Variants in NFILZ observed in about 807,000 individuals in gnomAD.
NFILZ encodes the protein NFIL3 like basic leucine zipper, also known as NFIL3 like protein.
At chr19:8,639,364 C>T (rs2042909079) in intron 3 of NFILZ, among the ~76,000 whole-genome samples, 1 of 151,962 alleles carries the variant, frequency 6.6e-6, no homozygotes, top group Non-Finnish European at 1.5e-5. Context: ...ATCATTTGAG[C>T]CTGGAAGTTT....
intron 3 of NFILZ, among the ~76,000 whole-genome samples, chr19:8,656,289 C>CCTTCTCTCTGAAGCCCACCTTCTCCCTGA (rs1212956882): frequency 3.0e-5 from 1 of 32,958 alleles, no homozygotes. Context: ...CTTCTCCCCA[C>CCTTCTCTCTGAAGCCCACCTTCTCCCTGA]AGCCCACCTC....
At chr19:8,664,965 G>A (rs2043055115) in intron 3 of NFILZ, among the ~76,000 whole-genome samples, 1 of 152,036 alleles carries the variant, frequency 6.6e-6, no homozygotes, top group Admixed American at 6.6e-5. Context: ...AATCCTTTCA[G>A]ATGCTGGTTC....
intron 2 of NFILZ, among the ~76,000 whole-genome samples, chr19:8,634,962 G>A (rs781786895): frequency 2.6e-5 from 4 of 151,976 alleles, no homozygotes; most frequent in African/African-American, 9.7e-5. Flanking sequence ...ATTAGTATAC[G>A]ATTCTGTGAT....
Position 8,651,409 on chromosome 19 carries a change from G to A in NFILZ, c.-164+15663G>A, listed in dbSNP as rs973432600. Reference sequence around the variant, plus strand: ...ACTCCTGACCTCAAGTGATCCACTCGCTTCAGCCTCCCAAAGTGCTGGGAT... The same window carrying A: ...ACTCCTGACCTCAAGTGATCCACTCACTTCAGCCTCCCAAAGTGCTGGGAT... On this transcript the variant is annotated intron_variant, in intron 3 of 5. Transcript: ENST00000691075. 3.3e-5 allele frequency among the ~76,000 whole-genome samples: 5 copies of A among 152,248 alleles called. No homozygotes were observed. In the South Asian group the frequency reaches 1.0e-3, roughly 32 times the overall value.
chr19:8,665,866 A>G (rs754112011), intron 3 of NFILZ, among the ~76,000 whole-genome samples: 18 of 152,228 alleles, frequency 1.2e-4, no homozygotes, highest in Non-Finnish European at 2.1e-4. Flanking sequence ...TGGCCTGGCA[A>G]ATGCTACCTT....
chr19:8,645,557 G>A (rs564730422), intron 3 of NFILZ, among the ~76,000 whole-genome samples: 1 of 152,286 alleles, frequency 6.6e-6, no homozygotes, highest in East Asian at 1.9e-4. Flanking sequence ...GAGTGAGTGT[G>A]TAACACACCC....
intron 3 of NFILZ, among the ~76,000 whole-genome samples, chr19:8,642,894 T>A (rs2042924604): frequency 6.6e-6 from 1 of 151,748 alleles, no homozygotes. Context: ...CTGTCACACA[T>A]GTTTGCTGGC....
chr19:8,638,177 T>G (rs535710975), intron 3 of NFILZ, among the ~76,000 whole-genome samples: 13 of 152,186 alleles, frequency 8.5e-5, no homozygotes, highest in African/African-American at 3.1e-4. Flanking sequence ...ACCCCTAGAT[T>G]CTACAACGAA....
chr19:8,647,777 A>ATG (rs2042946176), intron 3 of NFILZ, among the ~76,000 whole-genome samples: 2 of 66,390 alleles, frequency 3.0e-5, no homozygotes, highest in East Asian at 4.6e-4. Context: ...ACACGCACAC[A>ATG]TGCGCGCGCG....
Position 8,653,109 on chromosome 19 carries a change from TTTGCTCTTG to T in NFILZ, c.-164+17368_-164+17376del, listed in dbSNP as rs371666419. 5.6e-3 allele frequency among the ~76,000 whole-genome samples: 841 copies of T among 149,324 alleles called. 10 individuals carry two copies. The highest frequency in any genetic ancestry group is 0.02 in the African/African-American group (803 of 40,232). On this transcript the variant is annotated intron_variant, in intron 3 of 5. Coordinates refer to ENST00000691075, the MANE Select transcript of NFILZ (RefSeq NM_001378600.1). ...TTCTTTCTTTTCTCTTTCTCAGAGT[TTTGCTCTTG>T]TTGCCCAGGCTGGAGCGCAATGGTG...
intron 3 of NFILZ, among the ~76,000 whole-genome samples, chr19:8,661,058 C>CTTCCTTCCCCCTCCCACCA (rs1555749045): frequency 1.8e-5 from 2 of 109,758 alleles, no homozygotes; most frequent in Admixed American, 1.8e-4. Context: ...CCCTCCCTCC[C>CTTCCTTCCCCCTCCCACCA]TTCCTTCCCC....
chr19:8,676,287 T>A (rs2043109795), intron 4 of NFILZ, among the ~76,000 whole-genome samples, 72 bp from the exon 5 acceptor site: 2 of 152,130 alleles, frequency 1.3e-5, no homozygotes, highest in Non-Finnish European at 2.9e-5. Flanking sequence ...ACAGTTTAGG[T>A]GAATAGCAGC....
At chr19:8,655,384 CT>C (rs1224413740) in intron 3 of NFILZ, among the ~76,000 whole-genome samples, 5 of 152,202 alleles carry the variant, frequency 3.3e-5, no homozygotes, top group Non-Finnish European at 5.9e-5. Context: ...CTTCCTCCCC[CT>C]GTACCCTCCT....
rs2043129166 is a variant in NFILZ, at chr19:8,678,410, A to G, written c.*775A>G. Among the ~76,000 whole-genome samples, 1 of 150,866 alleles carries G rather than the reference A, an allele frequency of 6.6e-6. No individual in the cohort carries two copies. Among genetic ancestry groups the G allele is most frequent in the Non-Finnish European group, 1.5e-5 (1 of 67,734 alleles). Reference sequence around the variant, plus strand: ...CATTCATCCACCCATCCACCTATCTATGCATGCATCCATCCATCCTCATCC... The same window carrying G: ...CATTCATCCACCCATCCACCTATCTGTGCATGCATCCATCCATCCTCATCC... On this transcript the variant is annotated 3_prime_UTR_variant, in exon 6 of 6. Transcript: ENST00000691075.
rs1436531631 is a variant in NFILZ, at chr19:8,679,811, C to T, written c.*2176C>T. ...ATGTTTACCTATAAATGAGCCCATT[C>T]CCTAGAAATATATTGTGAATATTAA... On this transcript the variant is annotated 3_prime_UTR_variant, in exon 6 of 6. Transcript: ENST00000691075. 6.6e-6 allele frequency among the ~76,000 whole-genome samples: 1 copy of T among 152,266 alleles called. No homozygotes were observed. The highest frequency in any genetic ancestry group is 1.9e-4 in the East Asian group (1 of 5,188).
chr19:8,636,234 G>T (rs961250372), intron 3 of NFILZ, among the ~76,000 whole-genome samples: 2 of 151,322 alleles, frequency 1.3e-5, no homozygotes, highest in African/African-American at 4.8e-5. Context: ...TGAATCACGG[G>T]GTCAGGAGTT....
chr19:8,656,444 T>TCTTTC (rs1568421644), intron 3 of NFILZ, among the ~76,000 whole-genome samples: 1 of 40,264 alleles, frequency 2.5e-5, no homozygotes, highest in African/African-American at 8.8e-5. Flanking sequence ...CACCTTCTCC[T>TCTTTC]CGAAGCCCAC....
rs569026894 is a variant in NFILZ at position 8,680,213 on chromosome 19, AAG to A, written c.*2579_*2580del. On this transcript the variant is annotated 3_prime_UTR_variant, in exon 6 of 6. Coordinates refer to ENST00000691075, the MANE Select transcript of NFILZ (RefSeq NM_001378600.1). ...TCCATCTGAAAAAAAAAAAAAAAAAAAGGAAAAAGAAAAAATCCTGTTTCCCT... is the reference window on the plus strand; with the variant it reads ...TCCATCTGAAAAAAAAAAAAAAAAAAGAAAAAGAAAAAATCCTGTTTCCCT... Among the ~76,000 whole-genome samples the A allele has an allele frequency of 0.22, 27,968 of 127,886 alleles. 4,265 individuals carry two copies. The highest frequency in any genetic ancestry group is 0.36 in the South Asian group (1,484 of 4,080). The allele number at this position is 127,886 out of a possible 152,430, so 83.9% of individuals were successfully genotyped here.
intron 3 of NFILZ, among the ~76,000 whole-genome samples, chr19:8,644,939 A>G (rs1218386097): frequency 6.6e-6 from 1 of 151,134 alleles, no homozygotes; most frequent in East Asian, 2.0e-4. Context: ...ATAATTTTGT[A>G]TTTTTAGTAG....
Sources: gnomAD v4.1 joint callset for allele counts (sites outside exome capture counted in the v4.1 genomes callset) on GRCh38, gnomAD v4.1.1 for gene constraint, MANE v1.5 for transcripts, NCBI Gene and HGNC (gene_info 2026-07-23, HGNC 2026-07-21) for gene names.